EHBP1: variants seen among roughly 807,000 people sequenced by gnomAD.
EHBP1 encodes the protein EH domain-binding protein 1.
A neutral mutation model predicts 144.0 loss-of-function variants in EHBP1; 55 were observed. The observed-to-expected ratio is 0.38, with a 90% CI of 0.31 to 0.48. The LOEUF is 0.48. Among genes scored for constraint, EHBP1 ranks in the 20% least tolerant of loss-of-function variants. The pLI is 0.98. For synonymous variants in EHBP1, 469 were observed against 472.7 expected, an observed-to-expected ratio of 0.99 and a Z score of 0.10; for missense variants, 1,200 against 1,364.2, an observed-to-expected ratio of 0.88 and a Z score of 1.90.
intron 5 of EHBP1, among the ~76,000 whole-genome samples, chr2:62,822,000 T>C (rs529829409): frequency 6.6e-6 from 1 of 152,272 alleles, no homozygotes; most frequent in South Asian, 2.1e-4. Flanking sequence ...CTTTCCGTTA[T>C]TTTTAAATGT....
chr2:62,916,532 G>A (rs2054628940), intron 10 of EHBP1, among the ~76,000 whole-genome samples: 1 of 151,566 alleles, frequency 6.6e-6, no homozygotes, highest in Non-Finnish European at 1.5e-5. Context: ...GGTGGAATTT[G>A]CAGTGAGCCA....
chr2:62,820,038 C>G (rs1397691600), intron 5 of EHBP1, among the ~76,000 whole-genome samples: 1 of 151,302 alleles, frequency 6.6e-6, no homozygotes, highest in African/African-American at 2.4e-5. Context: ...TGGTGAAATC[C>G]CATCTCTACT....
intron 19 of EHBP1, among the ~76,000 whole-genome samples, chr2:63,025,166 A>G (rs1023380251): frequency 3.4e-5 from 5 of 146,606 alleles, no homozygotes; most frequent in Non-Finnish European, 7.6e-5. Flanking sequence ...AGTGTAGATT[A>G]GGTAGATATT....
upstream of EHBP1, among the ~76,000 whole-genome samples, chr2:62,702,919 A>G (rs765106075): frequency 5.3e-5 from 8 of 152,208 alleles, no homozygotes; most frequent in Non-Finnish European, 1.2e-4. Context: ...ATGCTTTAAG[A>G]AGCTGGGACT....
intron 9 of EHBP1, among the ~76,000 whole-genome samples, chr2:62,866,651 A>G (rs547558680): frequency 7.2e-5 from 11 of 152,308 alleles, no homozygotes; most frequent in African/African-American, 2.6e-4. Flanking sequence ...AAAAGGAAAT[A>G]CTAGTTAACC....
At chr2:62,978,054 A>T (rs1019818725) in intron 14 of EHBP1, among the ~76,000 whole-genome samples, 6 of 152,140 alleles carry the variant, frequency 3.9e-5, no homozygotes, top group African/African-American at 7.2e-5. Context: ...AGGTTCGGAG[A>T]TGTTAAGGGG....
intron 1 of EHBP1, among the ~76,000 whole-genome samples, chr2:62,694,600 C>G (rs2034017806): frequency 6.6e-6 from 1 of 151,764 alleles, no homozygotes; most frequent in Non-Finnish European, 1.5e-5. Flanking sequence ...CAAACATATC[C>G]TTGTATTAAG....
intron 8 of EHBP1, among the ~76,000 whole-genome samples, chr2:62,860,776 G>A (rs2049459746): frequency 6.6e-6 from 1 of 152,068 alleles, no homozygotes. Flanking sequence ...CTAAATGTAA[G>A]TCTGTTATCA....
chr2:62,708,217 A>G (rs977380439), intron 2 of EHBP1, among the ~76,000 whole-genome samples: 4 of 152,150 alleles, frequency 2.6e-5, no homozygotes, highest in African/African-American at 9.7e-5. Context: ...CTTATATTTG[A>G]ATATTTATTT....
intron 19 of EHBP1, among the ~76,000 whole-genome samples, chr2:63,020,980 A>ATTTTTGTTTTTTTTTTTTTT (rs2060717535): frequency 1.5e-5 from 1 of 68,572 alleles, no homozygotes; most frequent in African/African-American, 6.1e-5. Flanking sequence ...GCCTGGCCTC[A>ATTTTTGTTTTTTTTTTTTTT]TTTTTTTTTT....
At chr2:62,930,068 G>A (rs1049021391) in intron 10 of EHBP1, among the ~76,000 whole-genome samples, 5 of 152,058 alleles carry the variant, frequency 3.3e-5, no homozygotes, top group African/African-American at 4.8e-5. Flanking sequence ...AAAACATGGC[G>A]AAACCCCCAT....
At chr2:62,879,355 T>C (rs1354868021) in intron 10 of EHBP1, among the ~76,000 whole-genome samples, 4 of 152,110 alleles carry the variant, frequency 2.6e-5, no homozygotes, top group Admixed American at 2.6e-4. Context: ...TCACTTTTCC[T>C]AAATGACATG....
chr2:62,835,091 G>C (rs1162711219), intron 7 of EHBP1, among the ~76,000 whole-genome samples: 2 of 152,008 alleles, frequency 1.3e-5, no homozygotes, highest in Admixed American at 6.5e-5. Context: ...TTTGCCTGTT[G>C]ATATTTGTAA....
chr2:62,937,002 G>A (rs1311826172), intron 10 of EHBP1, among the ~76,000 whole-genome samples: 4 of 152,158 alleles, frequency 2.6e-5, no homozygotes. Flanking sequence ...GACTTAATTA[G>A]CTCTTGTTCT....
intron 4 of EHBP1, among the ~76,000 whole-genome samples, chr2:62,768,148 G>T (rs1481940862): frequency 6.6e-6 from 1 of 152,108 alleles, no homozygotes; most frequent in African/African-American, 2.4e-5. Context: ...TCCAAAGCTG[G>T]CAGAAGACAA....
At chr2:62,935,597 T>C (rs920831132) in intron 10 of EHBP1, among the ~76,000 whole-genome samples, 8 of 152,080 alleles carry the variant, frequency 5.3e-5, no homozygotes. Context: ...TCTAATAAAC[T>C]GTAACTTCTT....
chr2:62,936,158 T>C (rs960728357), intron 10 of EHBP1, among the ~76,000 whole-genome samples: 2 of 152,184 alleles, frequency 1.3e-5, no homozygotes, highest in Non-Finnish European at 2.9e-5. Context: ...CAGTTTTCTA[T>C]AATTTGTGTA....
rs940559825 is a variant in EHBP1, at chr2:62,707,055, G to C, written c.-137G>C. ...CTGTGAAACAGGGAGAAGACTTATG[G>C]ACCCCAAGCATCATTTCGAGTTGTA... On this transcript the variant is annotated 5_prime_UTR_variant, in exon 2 of 23. Coordinates refer to ENST00000431489, the MANE Select transcript of EHBP1 (RefSeq NM_001142616.3). The C allele has an allele frequency of 1.6e-6, 1 of 641,352 alleles. No homozygotes were observed. The highest frequency in any genetic ancestry group is 2.8e-6 in the Non-Finnish European group (1 of 357,024). 39.7% of individuals were successfully genotyped at this position (641,352 alleles called of 1,614,324 possible).
At chr2:62,774,670 C>T (rs1422887649) in intron 5 of EHBP1, among the ~76,000 whole-genome samples, 1 of 152,018 alleles carries the variant, frequency 6.6e-6, no homozygotes, top group African/African-American at 2.4e-5. Flanking sequence ...ACAAAGGAGA[C>T]TCAGTCTACA....
Sources: allele counts gnomAD v4.1 joint callset (sites outside exome capture counted in the v4.1 genomes callset), GRCh38; gene constraint gnomAD v4.1.1; transcripts MANE v1.5; gene names NCBI Gene and HGNC (gene_info 2026-07-23, HGNC 2026-07-21).